The following GNL2 variants were observed in gnomAD, a reference collection of about 807,000 sequenced individuals.
GNL2 encodes nucleolar GTP-binding protein 2.
GNL2 carries 51 observed loss-of-function variants against 92.3 expected under a neutral mutation model. The ratio of observed to expected loss-of-function variants is 0.55; its 90% CI spans 0.44 to 0.70. The LOEUF is 0.70. Among genes scored for constraint, GNL2 ranks in the 30% least tolerant of loss-of-function variants. The pLI is 0.00. For synonymous variants in GNL2, 283 were observed against 300.6 expected (o/e 0.94, Z 0.61); for missense variants, 844 against 895.6 (o/e 0.94, Z 0.74).
chr1:37,574,498 C>G, intron 11 of GNL2, 42 bp from the exon 12 acceptor site: 9 of 1,533,678 alleles, frequency 5.9e-6, no homozygotes, highest in Non-Finnish European at 8.1e-6. Context: ...TTCAAAGGAC[C>G]AAAACCACCT....
intron 8 of GNL2, 96 bp from the exon 9 acceptor site, chr1:37,576,652 G>A: frequency 8.2e-7 from 1 of 1,219,898 alleles, no homozygotes; most frequent in East Asian, 2.4e-5. Context: ...AGAATACAGT[G>A]CAAAACTGTT....
intron 12 of GNL2, among the ~76,000 whole-genome samples, chr1:37,571,191 T>C (rs1643588910): frequency 6.6e-6 from 1 of 152,182 alleles, no homozygotes. Flanking sequence ...ATCTGCCAAG[T>C]TCTGGACAGA....
chr1:37,579,323 G>T (rs991954311), intron 8 of GNL2, among the ~76,000 whole-genome samples: 2 of 152,102 alleles, frequency 1.3e-5, no homozygotes, highest in African/African-American at 4.8e-5. Context: ...CGAGGGGGGC[G>T]GATCACCTGA....
Position 37,567,731 on chromosome 1 carries a change from T to G in GNL2, c.1985A>C (p.Gln662Pro). Residue 662 changes from glutamine (Q) to proline (P), a missense_variant, in exon 15 of 16, where the codon CAA (glutamine) becomes CCA (proline). Gln to Pro is a moderately conservative substitution (Grantham distance 76). Coordinates refer to ENST00000373062, the MANE Select transcript of GNL2 (RefSeq NM_013285.3). ...TGAATGTTCCTGTTCCTCTTCCCTT[T>G]GTGCCTTCCGCTTCTTTCCCTTTTT... is the stretch of plus-strand genomic sequence containing the variant. ...PSKKGKKRKAQREEEQEHSNK... is the reference protein window; with the variant it reads ...PSKKGKKRKAPREEEQEHSNK... The G allele has an allele frequency of 6.2e-7, 1 of 1,613,972 alleles. No individual in the cohort carries two copies. Among genetic ancestry groups the G allele is most frequent in the East Asian group, 2.2e-5 (1 of 44,886 alleles).
chr1:37,582,360 T>C (rs779023225), intron 7 of GNL2, 24 bp from the exon 8 acceptor site: 14 of 1,432,440 alleles, frequency 9.8e-6, no homozygotes, highest in Non-Finnish European at 1.3e-5. Flanking sequence ...TGAAAACATT[T>C]TGGTAAACTG....
intron 4 of GNL2, among the ~76,000 whole-genome samples, chr1:37,589,288 T>C (rs1643873540): frequency 6.6e-6 from 1 of 152,230 alleles, no homozygotes; most frequent in Non-Finnish European, 1.5e-5. Context: ...AGTAAACAGT[T>C]TTCTTTGAAC....
At chr1:37,582,628 C>G in intron 7 of GNL2, 150 bp downstream of exon 7, 3 of 692,308 alleles carry the variant, frequency 4.3e-6, no homozygotes, top group Non-Finnish European at 7.2e-6. Context: ...GGTGCCTCTG[C>G]CCACTATCAA....
chr1:37,567,751 C>A lies in GNL2; in HGVS notation c.1965G>T (p.Lys655Asn). The A allele has an allele frequency of 1.2e-6, 2 of 1,613,324 alleles. No individual in the cohort carries two copies. Among genetic ancestry groups the A allele is most frequent in the Non-Finnish European group, 1.7e-6 (2 of 1,179,326 alleles). ...EDVDDRAPSK[K>N]GKKRKAQREE... Reference sequence around the variant, plus strand: ...CCCTTTGTGCCTTCCGCTTCTTTCCCTTTTTGGAAGGTGCTGGATACAAAC... The same window carrying A: ...CCCTTTGTGCCTTCCGCTTCTTTCCATTTTTGGAAGGTGCTGGATACAAAC... Residue 655 changes from lysine to asparagine, a missense_variant, in exon 15 of 16, where the codon AAG (lysine) becomes AAT (asparagine). Transcript: ENST00000373062.
intron 8 of GNL2, among the ~76,000 whole-genome samples, chr1:37,577,155 T>C (rs1028505444): frequency 6.6e-6 from 1 of 151,356 alleles, no homozygotes; most frequent in African/African-American, 2.4e-5. Flanking sequence ...TGTTAGTCAC[T>C]GATTTAGAAC....
At chr1:37,581,312 CTAAA>C (rs773658876) in intron 8 of GNL2, 16 of 454,640 alleles carry the variant, frequency 3.5e-5, no homozygotes, top group South Asian at 2.5e-4. Flanking sequence ...GTAGAATTAA[CTAAA>C]TAGACAAATT....
In GNL2 at chr1:37,569,088, C is replaced by T. The variant is rs778057837; in HGVS notation, c.1631G>A (p.Gly544Glu). 6.2e-7 allele frequency: 1 copy of T among 1,614,164 alleles called. No homozygotes were observed. The highest frequency in any genetic ancestry group is 8.5e-7 in the Non-Finnish European group (1 of 1,180,014). ...GKINVVPQFS[G>E]DDLVPVEVSD... Reference sequence around the variant, plus strand: ...CACCTCCACAGGAACCAGGTCATCCCCAGAAAACTGAGGCACCACGTTGAT... The same window carrying T: ...CACCTCCACAGGAACCAGGTCATCCTCAGAAAACTGAGGCACCACGTTGAT... Residue 544 changes from glycine to glutamate, a missense_variant, in exon 13 of 16, where the codon GGG becomes GAG. Gly to Glu is a moderately conservative substitution (Grantham distance 98). Transcript: ENST00000373062.
At chr1:37,571,835 C>T (rs568938958) in intron 12 of GNL2, among the ~76,000 whole-genome samples, 6 of 152,260 alleles carry the variant, frequency 3.9e-5, no homozygotes, top group African/African-American at 1.2e-4. Context: ...CCAGTGTTTC[C>T]ACACAGGGTC....
At position 37,595,813 on chromosome 1, in the gene GNL2, G is replaced by T; in HGVS notation, c.10C>A (p.Pro4Thr). 2 of 1,614,138 alleles carry T rather than the reference G, an allele frequency of 1.2e-6. No homozygotes were observed. Among genetic ancestry groups the T allele is most frequent in the Non-Finnish European group, 1.7e-6 (2 of 1,179,982 alleles). Residue 4 changes from proline (P) to threonine (T), a missense_variant, in exon 1 of 16, where the codon CCC becomes ACC. Pro to Thr is a conservative substitution (Grantham distance 38). Transcript: ENST00000373062. MVK[P>T]KYKGRSTINP... ...ATGGTGCTCCGTCCTTTGTACTTGG[G>T]CTTCACCATCTTGGCGACGAGACCG...
intron 12 of GNL2, chr1:37,570,520 A>T (rs1643578625): frequency 6.8e-6 from 1 of 147,090 alleles, no homozygotes; most frequent in South Asian, 2.2e-4. Flanking sequence ...ACAGAGCAAG[A>T]CTCCGTCTCA....
At position 37,592,793 on chromosome 1, in the gene GNL2, T is replaced by C. The variant is rs971779268; in HGVS notation, c.163A>G (p.Lys55Glu). 1.6e-5 allele frequency: 25 copies of C among 1,597,256 alleles called. No individual in the cohort carries two copies. Among genetic ancestry groups the C allele is most frequent in the Non-Finnish European group, 2.1e-5 (24 of 1,164,810 alleles). Residue 55 changes from lysine to glutamate, a missense_variant, in exon 3 of 16, where the codon AAA (lysine) becomes GAA (glutamate). Lys to Glu is a moderately conservative substitution (Grantham distance 56). Coordinates refer to ENST00000373062, the MANE Select transcript of GNL2 (RefSeq NM_013285.3). ...RQKERRNSRGKIIKPLQYQST... is the reference protein window; with the variant it reads ...RQKERRNSRGEIIKPLQYQST... ...TGATATTGCAGGGGTTTAATTATTT[T>C]ACCACGACTGTTCCTAAATTGAGGA...
chr1:37,567,121 C>G (rs1323737141), intron 15 of GNL2, 114 bp from the exon 16 acceptor site: 2 of 1,103,202 alleles, frequency 1.8e-6, no homozygotes, highest in Non-Finnish European at 2.6e-6. Flanking sequence ...GTGCTGCTTC[C>G]ACAGCTACTG....
At chr1:37,571,146 A>T (rs1198684943) in intron 12 of GNL2, among the ~76,000 whole-genome samples, 1 of 152,208 alleles carries the variant, frequency 6.6e-6, no homozygotes, top group Non-Finnish European at 1.5e-5. Flanking sequence ...AAGGCATATG[A>T]GAGTGAAACT....
At chr1:37,570,691 T>C (rs1466104036) in intron 12 of GNL2, 1 of 152,236 alleles carries the variant, frequency 6.6e-6, no homozygotes, top group African/African-American at 2.4e-5. Context: ...AAACAATTTC[T>C]GTTCATTATA....
At chr1:37,572,303 C>G (rs1322838984) in intron 12 of GNL2, among the ~76,000 whole-genome samples, 2 of 152,126 alleles carry the variant, frequency 1.3e-5, no homozygotes, top group Admixed American at 6.5e-5. Flanking sequence ...CGATGGGTAT[C>G]TTTTTTATTG....
Sources: allele counts gnomAD v4.1 joint callset (sites outside exome capture counted in the v4.1 genomes callset), GRCh38; gene constraint gnomAD v4.1.1; transcripts MANE v1.5; gene names NCBI Gene and HGNC (gene_info 2026-07-23, HGNC 2026-07-21).